Variants in TMC2 observed in about 807,000 individuals in gnomAD.
TMC2 encodes the protein transmembrane channel like 2.
TMC2 carries 102 observed loss-of-function variants against 105.9 expected under a neutral mutation model. The ratio of observed to expected loss-of-function variants is 0.96; its 90% CI spans 0.82 to 1.14. TMC2 has a LOEUF of 1.14. TMC2 is among the 50% of genes most tolerant of loss of function. The pLI, the probability that TMC2 is intolerant of heterozygous loss-of-function variation, is 0.00. For synonymous variants in TMC2, 402 were observed against 422.8 expected (o/e 0.95, Z 0.60); for missense variants, 1,093 against 1,134.3 (o/e 0.96, Z 0.52).
chr20:2,590,472 A>T (rs2086261436), intron 7 of TMC2, among the ~76,000 whole-genome samples: 1 of 152,090 alleles, frequency 6.6e-6, no homozygotes, highest in Admixed American at 6.5e-5. Context: ...CCAATAAGAA[A>T]ATAAATTTAA....
In TMC2 at chr20:2,637,456, G is replaced by A. The variant is rs1471077928; in HGVS notation, c.2386-18G>A. On this transcript the variant is annotated intron_variant, in intron 18 of 19. Coordinates refer to ENST00000358864, the MANE Select transcript of TMC2 (RefSeq NM_080751.3). ...CCCATTTCCTGGGCCAGGACCAACA[G>A]TTCATTATTTCCTGCAGCTCCGTGA... 6.4e-7 allele frequency: 1 copy of A among 1,560,298 alleles called. No individual in the cohort carries two copies. The highest frequency in any genetic ancestry group is 2.2e-5 in the East Asian group (1 of 44,532).
chr20:2,545,184 G>A (rs2085915158), intron 2 of TMC2, among the ~76,000 whole-genome samples: 1 of 152,140 alleles, frequency 6.6e-6, no homozygotes, highest in South Asian at 2.1e-4. Flanking sequence ...TTCACTCTGG[G>A]TGGTAGAGCA....
intron 7 of TMC2, among the ~76,000 whole-genome samples, chr20:2,587,909 T>A (rs1309791107): frequency 1.3e-5 from 2 of 152,136 alleles, no homozygotes; most frequent in Non-Finnish European, 2.9e-5. Context: ...TCTCCCCAAT[T>A]CCCTAAGTGA....
At chr20:2,540,081 C>T (rs1312721975) in intron 2 of TMC2, among the ~76,000 whole-genome samples, 1 of 150,256 alleles carries the variant, frequency 6.7e-6, no homozygotes, top group Admixed American at 6.6e-5. Context: ...ACCTCTGCCT[C>T]CCAAGTTCAA....
At chr20:2,593,159 A>T (rs796710096) in intron 8 of TMC2, among the ~76,000 whole-genome samples, 51 of 152,288 alleles carry the variant, frequency 3.3e-4, no homozygotes, top group African/African-American at 1.2e-3. Flanking sequence ...ATGGCAGCAG[A>T]AGACAGAGAG....
At position 2,592,210 on chromosome 20, in the gene TMC2, A is replaced by T. The variant is rs1054512297; in HGVS notation, c.835-100A>T. 2 of 726,128 alleles carry T rather than the reference A, an allele frequency of 2.8e-6. No homozygotes were observed. Among genetic ancestry groups the T allele is most frequent in the African/African-American group, 3.5e-5 (2 of 56,694 alleles). The allele number at this position is 726,128 out of a possible 1,614,324, so 45.0% of individuals were successfully genotyped here. ...CATAAAGAAAGAAGAAAATAGGTGTATTCCGCTCTGAGAAGGAAAGCATTT... is the reference window on the plus strand; with the variant it reads ...CATAAAGAAAGAAGAAAATAGGTGTTTTCCGCTCTGAGAAGGAAAGCATTT... On this transcript the variant is annotated intron_variant, in intron 7 of 19. Coordinates refer to ENST00000358864, the MANE Select transcript of TMC2 (RefSeq NM_080751.3). This position sits in a 1 kb window ranked among gnomAD's most constrained non-coding sequence, Gnocchi z 4.9.
At chr20:2,620,123 T>C (rs756269613) in intron 16 of TMC2, among the ~76,000 whole-genome samples, 1 of 152,010 alleles carries the variant, frequency 6.6e-6, no homozygotes, top group Non-Finnish European at 1.5e-5. Context: ...AAACAGAACT[T>C]GGGTATTTAG....
chr20:2,572,383 T>A (rs1361740007), intron 5 of TMC2, 114 bp downstream of exon 5: 3 of 782,562 alleles, frequency 3.8e-6, no homozygotes, highest in African/African-American at 1.7e-5. Flanking sequence ...GCCCCCAGAA[T>A]CCTGGGTGTG....
At chr20:2,567,950 T>C (rs1197341553) in intron 4 of TMC2, among the ~76,000 whole-genome samples, 1 of 151,928 alleles carries the variant, frequency 6.6e-6, no homozygotes. Context: ...ATCTAAACTA[T>C]AGAGAGAAAA....
At chr20:2,589,268 C>T (rs2086251583) in intron 7 of TMC2, among the ~76,000 whole-genome samples, 1 of 22,878 alleles carries the variant, frequency 4.4e-5, no homozygotes, top group Non-Finnish European at 8.8e-5. Flanking sequence ...TTCCTATTTG[C>T]CCTGTGTGTG....
intron 16 of TMC2, among the ~76,000 whole-genome samples, chr20:2,619,669 A>T (rs1467224084): frequency 6.6e-6 from 1 of 152,194 alleles, no homozygotes; most frequent in Non-Finnish European, 1.5e-5. Flanking sequence ...GGAGGGGATC[A>T]GTCTAGAACA....
chr20:2,599,348 C>T (rs1289819692), intron 10 of TMC2, among the ~76,000 whole-genome samples: 1 of 145,874 alleles, frequency 6.9e-6, no homozygotes, highest in Non-Finnish European at 1.5e-5. Context: ...TTTCAATCCA[C>T]ACACAAATAA....
intron 17 of TMC2, among the ~76,000 whole-genome samples, chr20:2,633,413 C>A (rs1445574082): frequency 6.6e-6 from 1 of 152,196 alleles, no homozygotes; most frequent in Non-Finnish European, 1.5e-5. Context: ...GTTTTAAAGC[C>A]CCCATTGGAC....
intron 4 of TMC2, among the ~76,000 whole-genome samples, chr20:2,564,193 C>A (rs1333853231): frequency 1.4e-5 from 2 of 140,396 alleles, no homozygotes; most frequent in Non-Finnish European, 3.0e-5. Context: ...CTCTGTCGCC[C>A]AGGATGGAGT....
intron 8 of TMC2, among the ~76,000 whole-genome samples, chr20:2,593,138 G>T (rs923277100): frequency 3.3e-5 from 5 of 152,116 alleles, no homozygotes; most frequent in Non-Finnish European, 7.3e-5. Flanking sequence ...GGGAAGCAAG[G>T]CACTTCTTAC....
At chr20:2,599,735 C>T (rs1420489621) in intron 10 of TMC2, among the ~76,000 whole-genome samples, 1 of 152,034 alleles carries the variant, frequency 6.6e-6, no homozygotes, top group Non-Finnish European at 1.5e-5. Context: ...AGCCACTGCA[C>T]CCAGCTCCCA....
intron 16 of TMC2, 88 bp downstream of exon 16, chr20:2,617,399 A>G (rs1267221137): frequency 2.0e-6 from 3 of 1,537,952 alleles, no homozygotes; most frequent in Admixed American, 1.8e-5. Flanking sequence ...TTCTGGTTTC[A>G]TGCCAGCCTG....
At chr20:2,569,526 T>TG (rs2086088254) in intron 4 of TMC2, among the ~76,000 whole-genome samples, 1 of 152,248 alleles carries the variant, frequency 6.6e-6, no homozygotes. Flanking sequence ...ATGGCCTTTT[T>TG]GGGGTATTAA....
chr20:2,564,341 G>T (rs1049478088), intron 4 of TMC2, among the ~76,000 whole-genome samples: 4 of 151,862 alleles, frequency 2.6e-5, no homozygotes, highest in Non-Finnish European at 5.9e-5. Context: ...TAGTACAGAC[G>T]GGGTTTCACC....
Sources: gnomAD v4.1 joint callset for allele counts (sites outside exome capture counted in the v4.1 genomes callset) on GRCh38, gnomAD v4.1.1 for gene constraint, Gnocchi (gnomAD v3.1) non-coding constraint, MANE v1.5 for transcripts, NCBI Gene and HGNC (gene_info 2026-07-23, HGNC 2026-07-21) for gene names.